Variants in CCDC81 observed in about 807,000 individuals in gnomAD.
CCDC81 encodes coiled-coil domain-containing protein 81.
A neutral mutation model predicts 83.7 loss-of-function variants in CCDC81; 79 were observed. The ratio of observed to expected loss-of-function variants is 0.94; its 90% CI spans 0.79 to 1.14. The LOEUF (loss-of-function observed/expected upper bound fraction) is 1.14. Ranked by LOEUF, CCDC81 falls within the 50% of genes most tolerant of loss-of-function variation. CCDC81 has a pLI of 0.00. For missense variants in CCDC81, 791 were observed against 778.1 expected (o/e 1.02, Z -0.20); for synonymous variants, 252 against 278.1 (o/e 0.91, Z 0.93).
chr11:86,411,980 G>A (rs1012831226), intron 10 of CCDC81, among the ~76,000 whole-genome samples: 1 of 152,110 alleles, frequency 6.6e-6, no homozygotes, highest in Non-Finnish European at 1.5e-5. Context: ...TATCCCTCCC[G>A]AATTCTGGTT....
At chr11:86,402,081 G>A (rs752341117) in intron 7 of CCDC81, among the ~76,000 whole-genome samples, 1 of 132,302 alleles carries the variant, frequency 7.6e-6, no homozygotes. Context: ...GTTGCAGTGA[G>A]CCAAGATAGT....
rs1565773245 is a variant in CCDC81 at position 86,419,967 on chromosome 11, TAG to T, written c.1734_1735del (p.Arg578SerfsTer27). ...GAACCGCTGAGCTGGAGCGAGTAAA[TAG>T]AGTCAACCAATGCTTACAGGAGGAC... ...DRTAELERVN[R>X]VNQCLQEDWE... On this transcript the variant is annotated frameshift_variant, in exon 14 of 15. Transcript: ENST00000445632. LOFTEE classifies it high-confidence loss of function. 1.2e-5 allele frequency: 20 copies of T among 1,613,702 alleles called. No individual in the cohort carries two copies. The highest frequency in any genetic ancestry group is 1.7e-5 in the Non-Finnish European group (20 of 1,179,862).
intron 5 of CCDC81, 82 bp downstream of exon 5, chr11:86,395,495 T>A (rs1278831452): frequency 3.8e-6 from 4 of 1,062,396 alleles, no homozygotes; most frequent in Non-Finnish European, 5.8e-6. Context: ...TGTTTCTCAA[T>A]GTTTTGTAGC....
At chr11:86,378,648 T>C (rs1225844006) in intron 1 of CCDC81, among the ~76,000 whole-genome samples, 1 of 152,238 alleles carries the variant, frequency 6.6e-6, no homozygotes. Context: ...TAATTTGACA[T>C]ACTATTTTTA....
intron 7 of CCDC81, among the ~76,000 whole-genome samples, chr11:86,403,821 C>T (rs972244242): frequency 2.0e-5 from 3 of 152,166 alleles, no homozygotes; most frequent in South Asian, 4.2e-4. Flanking sequence ...TTGAGTATAA[C>T]TCGTTTGGGG....
intron 5 of CCDC81, among the ~76,000 whole-genome samples, chr11:86,396,191 G>C (rs1948407574): frequency 6.6e-6 from 1 of 152,094 alleles, no homozygotes; most frequent in Admixed American, 6.5e-5. Flanking sequence ...TGTTACTGGT[G>C]GTTGCATATT....
At chr11:86,392,849 T>C in intron 4 of CCDC81, 52 bp downstream of exon 4, 1 of 1,516,192 alleles carries the variant, frequency 6.6e-7, no homozygotes, top group South Asian at 1.3e-5. Flanking sequence ...TGGTTCTGAC[T>C]CATCTATAGG....
At chr11:86,402,127 T>C in intron 7 of CCDC81, among the ~76,000 whole-genome samples, 1 of 99,842 alleles carries the variant, frequency 1.0e-5, no homozygotes, top group Non-Finnish European at 1.9e-5. Flanking sequence ...AGAGCAAGAC[T>C]CTGTCTCAAA....
intron 3 of CCDC81, among the ~76,000 whole-genome samples, chr11:86,389,732 A>G (rs182774465): frequency 4.9e-4 from 74 of 152,360 alleles, no homozygotes; most frequent in African/African-American, 1.8e-3. Context: ...AGACCATATC[A>G]GTAACTAATC....
chr11:86,399,936 G>A (rs1458424788), intron 6 of CCDC81, among the ~76,000 whole-genome samples: 4 of 150,718 alleles, frequency 2.7e-5, no homozygotes, highest in East Asian at 2.0e-4. Flanking sequence ...CAGCCTGGCC[G>A]ACATGGCGAA....
intron 5 of CCDC81, among the ~76,000 whole-genome samples, chr11:86,395,771 C>G (rs559614500): frequency 2.0e-5 from 3 of 152,104 alleles, no homozygotes; most frequent in Non-Finnish European, 4.4e-5. Flanking sequence ...TACAGGCGCA[C>G]GCCACCATGC....
At position 86,384,868 on chromosome 11, in the gene CCDC81, A is replaced by G. The variant is rs141875489; in HGVS notation, c.80-1183A>G. ...GATGTTAACACAGATATAATTTTCTAGACTTTGAAATATTAGTCATACTAC... is the reference window on the plus strand; with the variant it reads ...GATGTTAACACAGATATAATTTTCTGGACTTTGAAATATTAGTCATACTAC... On this transcript the variant is annotated intron_variant, in intron 1 of 14. Coordinates refer to ENST00000445632, the MANE Select transcript of CCDC81 (RefSeq NM_001156474.2). 8.6e-4 allele frequency among the ~76,000 whole-genome samples: 131 copies of G among 152,382 alleles called. No individual in the cohort carries two copies. In the Middle Eastern group the frequency reaches 0.01, roughly 12 times the overall value.
intron 1 of CCDC81, among the ~76,000 whole-genome samples, chr11:86,376,201 A>G (rs1028937315): frequency 3.3e-5 from 5 of 152,194 alleles, no homozygotes; most frequent in Non-Finnish European, 5.9e-5. Context: ...ATCAATGCAA[A>G]TTTACAATTT....
Position 86,400,751 on chromosome 11 carries a change from G to A in CCDC81, c.831G>A (p.Leu277=), listed in dbSNP as rs1321220858. The A allele has an allele frequency of 6.2e-7, 1 of 1,613,064 alleles. No homozygotes were observed. ...FPAKVTNVSL[L]EKFERSESGG... ...CCAAAGTGACAAATGTCAGCTTGCT[G>A]GAAAAGTTTGAACGAAGTGAGAGTG... The change falls in exon 7 of 15, where the codon CTG becomes CTA. Residue 277 remains leucine, a synonymous_variant. Transcript: ENST00000445632.
At chr11:86,421,910 C>CA (rs558739434) in intron 14 of CCDC81, among the ~76,000 whole-genome samples, 5,501 of 94,026 alleles carry the variant, frequency 0.059, 148 homozygotes, top group Middle Eastern at 0.097. Flanking sequence ...GACCTAGTCT[C>CA]AAAAAAAAAA....
intron 4 of CCDC81, among the ~76,000 whole-genome samples, chr11:86,394,372 C>T (rs1330634669): frequency 6.6e-6 from 1 of 152,220 alleles, no homozygotes; most frequent in Non-Finnish European, 1.5e-5. Flanking sequence ...ATCAGTCACC[C>T]TCATGGACAG....
intron 1 of CCDC81, among the ~76,000 whole-genome samples, chr11:86,377,174 T>C (rs944398510): frequency 3.9e-5 from 4 of 102,290 alleles, no homozygotes; most frequent in Admixed American, 1.1e-4. Flanking sequence ...TACCACAGGT[T>C]TTTTTTTTTT....
chr11:86,414,626 T>A (rs1447710070), intron 11 of CCDC81, 163 bp from the exon 12 acceptor site: 3 of 595,952 alleles, frequency 5.0e-6, no homozygotes, highest in African/African-American at 1.9e-5. Flanking sequence ...TTTGAATTAC[T>A]CTTTTCTTTC....
In CCDC81 at chr11:86,408,127, GA is replaced by G. The variant is rs1948587326; in HGVS notation, c.973del (p.Met325CysfsTer25). Reference sequence around the variant, plus strand: ...TTTGTCCTGAAATTTGGGATTGTAGGAAATGTGCTATGTATGTTTGCAACGA... The same window carrying G: ...TTTGTCCTGAAATTTGGGATTGTAGGAATGTGCTATGTATGTTTGCAACGA... Reference protein sequence around the residue: ...ACQDHNKAGQEMCYVCLQRAQ... With the variant: ...ACQDHNKAGQXMCYVCLQRAQ... On this transcript the variant is annotated frameshift_variant and splice_region_variant, in exon 9 of 15. Coordinates refer to ENST00000445632, the MANE Select transcript of CCDC81 (RefSeq NM_001156474.2). LOFTEE classifies it high-confidence loss of function. 1 of 1,607,158 alleles carries G rather than the reference GA, an allele frequency of 6.2e-7. No homozygotes were observed. The highest frequency in any genetic ancestry group is 1.3e-5 in the African/African-American group (1 of 74,558).
Sources: allele counts gnomAD v4.1 joint callset (sites outside exome capture counted in the v4.1 genomes callset), GRCh38; gene constraint gnomAD v4.1.1; transcripts MANE v1.5; gene names NCBI Gene and HGNC (gene_info 2026-07-23, HGNC 2026-07-21).